Variants in PAM observed in about 807,000 individuals in gnomAD.
PAM encodes peptidyl-glycine alpha-amidating monooxygenase.
PAM carries 72 observed loss-of-function variants against 122.1 expected under a neutral mutation model. That is an observed-to-expected ratio of 0.59 (90% confidence interval 0.49 to 0.72). PAM has a LOEUF of 0.72. Ranked by LOEUF, PAM falls within the 30% of genes least tolerant of loss-of-function variation. The probability of loss-of-function intolerance (pLI) is 0.00; values close to 1 mark genes in which losing one functional copy is unlikely to be tolerated. For missense variants in PAM, 1,106 were observed against 1,183.7 expected (o/e 0.93, Z 0.96); for synonymous variants, 389 against 404.4 (o/e 0.96, Z 0.46).
At chr5:102,886,322 C>A (rs1157229273) in intron 3 of PAM, among the ~76,000 whole-genome samples, 1 of 151,872 alleles carries the variant, frequency 6.6e-6, no homozygotes, top group African/African-American at 2.4e-5. Context: ...TAGCAAATCC[C>A]AAAGATATTA....
chr5:102,841,670 C>A lies in PAM; in HGVS notation c.-373-24153C>A, dbSNP rs956837760. Among the ~76,000 whole-genome samples the A allele has an allele frequency of 2.6e-5, 4 of 151,884 alleles. No homozygotes were observed. In the South Asian group the frequency reaches 8.3e-4, roughly 32 times the overall value. ...GAAGAGTTGCAAAAATATAGAGCAC[C>A]CCTGAAAGTATTTATAAATTTTGTC... is the stretch of plus-strand genomic sequence containing the variant. On this transcript the variant is annotated intron_variant, in intron 1 of 25. Coordinates refer to ENST00000438793, the MANE Select transcript of PAM (RefSeq NM_001177306.2).
chr5:102,766,338 G>A (rs1412302790), intron 1 of PAM, among the ~76,000 whole-genome samples: 1 of 152,196 alleles, frequency 6.6e-6, no homozygotes, highest in Non-Finnish European at 1.5e-5. Context: ...TGTCCCATCT[G>A]GGGGTGATGG....
At chr5:102,762,605 C>A (rs746141762) in intron 1 of PAM, among the ~76,000 whole-genome samples, 1 of 152,050 alleles carries the variant, frequency 6.6e-6, no homozygotes, top group Non-Finnish European at 1.5e-5. Context: ...CTAATAAACT[C>A]CTTCTTTCCC....
chr5:102,913,063 G>A (rs1236224491), intron 4 of PAM, among the ~76,000 whole-genome samples: 4 of 151,926 alleles, frequency 2.6e-5, no homozygotes, highest in Admixed American at 1.3e-4. Context: ...GCTGAAAGAT[G>A]CATTTTTGCA....
intron 5 of PAM, among the ~76,000 whole-genome samples, chr5:102,920,783 T>C (rs1368436423): frequency 6.6e-6 from 1 of 152,010 alleles, no homozygotes; most frequent in Non-Finnish European, 1.5e-5. Flanking sequence ...CAGACTTAAC[T>C]TGAGGGCATG....
chr5:103,025,066 G>A, intron 23 of PAM, 65 bp from the exon 24 acceptor site: 6 of 1,083,864 alleles, frequency 5.5e-6, no homozygotes, highest in Non-Finnish European at 8.4e-6. Context: ...ACTGGGTAGG[G>A]GTGGGTAAGG....
chr5:102,779,916 T>C (rs201208709), intron 1 of PAM, among the ~76,000 whole-genome samples: 753 of 65,832 alleles, frequency 0.011, 23 homozygotes, highest in African/African-American at 0.036. Flanking sequence ...TATATATATA[T>C]ATACACACAT....
chr5:102,775,368 TGTGCAGGAC>T (rs142968794), intron 1 of PAM, among the ~76,000 whole-genome samples: 4,220 of 152,198 alleles, frequency 0.028, 111 homozygotes, highest in East Asian at 0.13. Context: ...CTGGGATACA[TGTGCAGGAC>T]GTGCAGGTTT....
chr5:102,935,541 G>C (rs1752967156), intron 7 of PAM, among the ~76,000 whole-genome samples: 1 of 152,142 alleles, frequency 6.6e-6, no homozygotes, highest in African/African-American at 2.4e-5. Context: ...CTGCAGGGCA[G>C]ATATCTAGAA....
intron 1 of PAM, among the ~76,000 whole-genome samples, chr5:102,783,606 A>G (rs1428130343): frequency 2.0e-5 from 3 of 152,196 alleles, no homozygotes; most frequent in Admixed American, 1.3e-4. Context: ...TCTCAGTACA[A>G]TTTTAGGAAC....
intron 1 of PAM, among the ~76,000 whole-genome samples, chr5:102,778,097 A>T (rs1351551385): frequency 6.6e-6 from 1 of 152,128 alleles, no homozygotes; most frequent in Non-Finnish European, 1.5e-5. Context: ...ACAGAAAAAA[A>T]ATTAAAGGAG....
intron 15 of PAM, among the ~76,000 whole-genome samples, chr5:102,988,422 A>G (rs1380086545): frequency 1.3e-5 from 2 of 152,176 alleles, no homozygotes; most frequent in East Asian, 1.9e-4. Flanking sequence ...GGTTTTAAAA[A>G]CATTTTATTC....
chr5:102,865,834 T>C lies in PAM; in HGVS notation c.-362T>C. On this transcript the variant is annotated 5_prime_UTR_variant, in exon 2 of 26. It removes an upstream start codon present in the reference 5' UTR. Coordinates refer to ENST00000438793, the MANE Select transcript of PAM (RefSeq NM_001177306.2). Reference sequence around the variant, plus strand: ...TTCTATTTTTGCAGGTTCTGAATGATGACTGACGCGGGTTTGGGTGATACC... The same window carrying C: ...TTCTATTTTTGCAGGTTCTGAATGACGACTGACGCGGGTTTGGGTGATACC... The C allele has an allele frequency of 4.3e-6, 1 of 234,182 alleles. No homozygotes were observed. The highest frequency in any genetic ancestry group is 1.2e-4 in the South Asian group (1 of 8,274). 14.5% of individuals were successfully genotyped at this position (234,182 alleles called of 1,614,324 possible). A position where few individuals can be genotyped will look rare whatever the true frequency, so the allele number is the denominator to read the frequency against.
At chr5:103,006,672 A>T (rs1779075667) in intron 18 of PAM, 129 bp from the exon 19 acceptor site, 1 of 676,394 alleles carries the variant, frequency 1.5e-6, no homozygotes, top group Non-Finnish European at 2.7e-6. Flanking sequence ...AACAAGTATT[A>T]ATACCTTCTT....
chr5:102,875,189 CATT>C (rs10549667), intron 3 of PAM, among the ~76,000 whole-genome samples: 17,997 of 149,768 alleles, frequency 0.12, 2,565 homozygotes, highest in African/African-American at 0.34. Flanking sequence ...AAATTATTAT[CATT>C]ATTATTATTA....
intron 24 of PAM, among the ~76,000 whole-genome samples, 180 bp from the exon 25 acceptor site, chr5:103,028,005 T>C (rs1007851867): frequency 6.6e-6 from 1 of 152,176 alleles, no homozygotes; most frequent in Non-Finnish European, 1.5e-5. Flanking sequence ...AAACCCAGCT[T>C]GGGCCCTTTA....
intron 4 of PAM, among the ~76,000 whole-genome samples, chr5:102,901,985 A>G (rs1477147569): frequency 6.6e-6 from 1 of 151,662 alleles, no homozygotes; most frequent in African/African-American, 2.4e-5. Flanking sequence ...CTGAGCCTTT[A>G]AATCAGAGAG....
At chr5:102,821,969 A>G (rs760990319) in intron 1 of PAM, among the ~76,000 whole-genome samples, 4 of 152,222 alleles carry the variant, frequency 2.6e-5, no homozygotes, top group Non-Finnish European at 4.4e-5. Context: ...AGTGTGAGTT[A>G]TACATACATT....
chr5:102,782,039 G>T (rs754988394), intron 1 of PAM, among the ~76,000 whole-genome samples: 1 of 152,180 alleles, frequency 6.6e-6, no homozygotes, highest in Non-Finnish European at 1.5e-5. Context: ...ACTTACTCCA[G>T]CCTTAAACTT....
Sources: gnomAD v4.1 joint callset for allele counts (sites outside exome capture counted in the v4.1 genomes callset) on GRCh38, gnomAD v4.1.1 for gene constraint, MANE v1.5 for transcripts, NCBI Gene and HGNC (gene_info 2026-07-23, HGNC 2026-07-21) for gene names.